The following DDR2 variants were observed in gnomAD, a reference collection of about 807,000 sequenced individuals.
DDR2 encodes the protein discoidin domain receptor tyrosine kinase 2.
DDR2 carries 27 observed loss-of-function variants against 94.9 expected under a neutral mutation model. The ratio of observed to expected loss-of-function variants is 0.28; its 90% confidence interval spans 0.21 to 0.39. The LOEUF is 0.39. Ranked by LOEUF, DDR2 falls within the 10% of genes least tolerant of loss-of-function variation. The probability of loss-of-function intolerance (pLI) is 1.00; values close to 1 mark genes in which losing one functional copy is unlikely to be tolerated. For synonymous variants in DDR2, 382 were observed against 377.2 expected (o/e 1.01, Z -0.15); for missense variants, 783 against 1,076.0 (o/e 0.73, Z 3.81).
rs2102189769 is a variant in DDR2, at chr1:162,773,526, G to C, written c.1786G>C (p.Asp596His). 6.2e-7 allele frequency: 1 copy of C among 1,614,122 alleles called. No individual in the cohort carries two copies. Among genetic ancestry groups the C allele is most frequent in the South Asian group, 1.1e-5 (1 of 91,074 alleles). Reference protein sequence around the residue: ...EKFKDKDFALDVSANQPVLVA... With the variant: ...EKFKDKDFALHVSANQPVLVA... The stretch of plus-strand genomic sequence containing the variant: ...ATTCAAAGACAAAGATTTTGCCCTA[G>C]ATGTCAGTGCCAACCAGCCTGTCCT... Residue 596 changes from aspartate to histidine, a missense_variant, in exon 14 of 18, where the codon GAT (aspartate) becomes CAT (histidine). By Grantham distance (81) the Asp-to-His change is moderately conservative (BLOSUM62 -1). Around this residue, in one of 2 missense-constraint regions of DDR2, gnomAD observed 264 missense variants for 428.2 expected, o/e 0.62. Transcript: ENST00000367921.
intron 9 of DDR2, among the ~76,000 whole-genome samples, chr1:162,764,424 G>A (rs960346070): frequency 1.0e-4 from 14 of 140,018 alleles, no homozygotes; most frequent in Middle Eastern, 4.4e-3. Context: ...AATGTCCAAA[G>A]CAATATGAAC....
intron 2 of DDR2, among the ~76,000 whole-genome samples, chr1:162,668,181 C>T (rs745550802): frequency 6.6e-6 from 1 of 152,118 alleles, no homozygotes; most frequent in East Asian, 1.9e-4. Flanking sequence ...CAAATGACAG[C>T]CTGTGGGCCA....
chr1:162,726,067 C>T (rs964957578), intron 3 of DDR2, among the ~76,000 whole-genome samples: 1 of 152,136 alleles, frequency 6.6e-6, no homozygotes, highest in African/African-American at 2.4e-5. Flanking sequence ...CTGCAGTCTT[C>T]TCACCTATCA....
At chr1:162,657,841 A>T (rs1361586632) in intron 2 of DDR2, among the ~76,000 whole-genome samples, 2 of 127,226 alleles carry the variant, frequency 1.6e-5, no homozygotes, top group South Asian at 2.5e-4. Context: ...TCCCCTCCCC[A>T]CTCCCCAGTC....
In DDR2 at chr1:162,775,803, G is replaced by A. The variant is rs769532262; in HGVS notation, c.2008G>A (p.Glu670Lys). 12 of 1,613,894 alleles carry A rather than the reference G, an allele frequency of 7.4e-6. No homozygotes were observed. Among genetic ancestry groups the A allele is most frequent in the African/African-American group, 6.7e-5 (5 of 74,956 alleles). The stretch of plus-strand genomic sequence containing the variant: ...TCTCAATCAGTTTCTTTCCCGCCAC[G>A]AGCCCCCTAATTCTTCCTCCAGCGA... The part of the protein sequence containing the change: ...GDLNQFLSRH[E>K]PPNSSSSDVR... Residue 670 changes from glutamate to lysine, a missense_variant, in exon 15 of 18, where the codon GAG becomes AAG. By Grantham distance (56) the Glu-to-Lys change is moderately conservative. Coordinates refer to ENST00000367921, the MANE Select transcript of DDR2 (RefSeq NM_006182.4).
intron 5 of DDR2, 101 bp from the exon 6 acceptor site, chr1:162,755,055 C>T: frequency 1.3e-6 from 2 of 1,549,246 alleles, no homozygotes; most frequent in Non-Finnish European, 1.8e-6. Flanking sequence ...CATTCTGCTC[C>T]TCGAATTAAG....
In DDR2 at chr1:162,759,814, C is replaced by G. The variant is rs1212527083; in HGVS notation, c.690C>G (p.Gly230=). The G allele has an allele frequency of 3.7e-6, 6 of 1,613,982 alleles. No individual in the cohort carries two copies. Among genetic ancestry groups the G allele is most frequent in the Non-Finnish European group, 5.1e-6 (6 of 1,180,022 alleles). ...TGAGCAGCATGACAGAAGGGCTAGG[C>G]CAATTGACCGATGGTGTGTCTGGCC... The part of the protein sequence containing the change: ...AVGYSMTEGL[G]QLTDGVSGLD... Residue 230 remains glycine (G), a synonymous_variant, in exon 8 of 18, where the codon GGC becomes GGG. Coordinates refer to ENST00000367921, the MANE Select transcript of DDR2 (RefSeq NM_006182.4).
Position 162,754,693 on chromosome 1 carries a change from G to T in DDR2, c.255G>T (p.Glu85Asp), listed in dbSNP as rs1183289819. 3 of 1,614,018 alleles carry T rather than the reference G, an allele frequency of 1.9e-6. No homozygotes were observed. In the African/African-American group the frequency reaches 4.0e-5, roughly 22 times the overall value. Residue 85 changes from glutamate to aspartate, a missense_variant, in exon 5 of 18, where the codon GAG (glutamate) becomes GAT (aspartate). By Grantham distance (45) the Glu-to-Asp change is conservative. Coordinates refer to ENST00000367921, the MANE Select transcript of DDR2 (RefSeq NM_006182.4). ...EIPVEPDDLK[E>D]FLQIDLHTLH... is the part of the protein sequence containing the mutation. ...CAGTGGAACCTGATGACCTGAAGGA[G>T]TTTCTGCAGATTGACTTGCACACCC...
intron 2 of DDR2, among the ~76,000 whole-genome samples, chr1:162,671,277 T>C (rs1658827288): frequency 2.0e-5 from 3 of 152,168 alleles, no homozygotes. Flanking sequence ...GTCCTCTACT[T>C]ACTCCTTCGT....
chr1:162,655,020 T>G (rs1349510495), intron 1 of DDR2, among the ~76,000 whole-genome samples, 191 bp from the exon 2 acceptor site: 1 of 152,204 alleles, frequency 6.6e-6, no homozygotes, highest in Non-Finnish European at 1.5e-5. Context: ...TTTTAATTTC[T>G]TAACTGGGCA....
At chr1:162,696,169 G>T (rs776665720) in intron 2 of DDR2, among the ~76,000 whole-genome samples, 1 of 149,714 alleles carries the variant, frequency 6.7e-6, no homozygotes, top group Non-Finnish European at 1.5e-5. Flanking sequence ...ACCGACAGAA[G>T]ACATGGAAAT....
At position 162,782,753 on chromosome 1, in the gene DDR2, A is replaced by T. The variant is rs1270250652; in HGVS notation, c.*2507A>T. 1 of 152,028 alleles carries T rather than the reference A, an allele frequency of 6.6e-6. No individual in the cohort carries two copies. The highest frequency in any genetic ancestry group is 2.4e-5 in the African/African-American group (1 of 41,396). 9.4% of individuals were successfully genotyped at this position (152,028 alleles called of 1,614,324 possible). A position where few individuals can be genotyped will look rare whatever the true frequency, so the allele number is the denominator to read the frequency against. The stretch of plus-strand genomic sequence containing the variant: ...TTCTATGATTCCATATTTTTTTTAA[A>T]AAAAATCATATTTAAAATGAACTTA... On this transcript the variant is annotated 3_prime_UTR_variant, in exon 18 of 18. Transcript: ENST00000367921.
chr1:162,781,669 A>C lies in DDR2; in HGVS notation c.*1423A>C, dbSNP rs147405620. On this transcript the variant is annotated 3_prime_UTR_variant, in exon 18 of 18. Coordinates refer to ENST00000367921, the MANE Select transcript of DDR2 (RefSeq NM_006182.4). Reference sequence around the variant, plus strand: ...CTCTGAGATGGCGTGACCAGCAGAAAAGAAAGCTCAGGGCTGTGGCTTCAG... The same window carrying C: ...CTCTGAGATGGCGTGACCAGCAGAACAGAAAGCTCAGGGCTGTGGCTTCAG... 1.3e-5 allele frequency: 2 copies of C among 152,296 alleles called. No homozygotes were observed. The highest frequency in any genetic ancestry group is 4.1e-4 in the South Asian group (2 of 4,828). 9.4% of individuals were successfully genotyped at this position (152,296 alleles called of 1,614,324 possible).
chr1:162,753,950 C>T (rs890254310), intron 4 of DDR2, among the ~76,000 whole-genome samples: 3 of 152,084 alleles, frequency 2.0e-5, no homozygotes, highest in Non-Finnish European at 2.9e-5. Flanking sequence ...TGGAAGGGAG[C>T]AACAAATGAA....
At chr1:162,732,361 A>G (rs181461374) in intron 3 of DDR2, among the ~76,000 whole-genome samples, 1 of 152,292 alleles carries the variant, frequency 6.6e-6, no homozygotes, top group Admixed American at 6.5e-5. Context: ...GGCCTCAGTG[A>G]CAGTTTCTTT....
chr1:162,775,540 G>A (rs1647486838), intron 14 of DDR2, 112 bp from the exon 15 acceptor site: 2 of 1,194,400 alleles, frequency 1.7e-6, no homozygotes, highest in African/African-American at 1.5e-5. Context: ...GTTATCCAAA[G>A]GGAAACAAGA....
rs115738599 is a variant in DDR2, at chr1:162,745,110, C to T, written c.83-7985C>T. Among the ~76,000 whole-genome samples the T allele has an allele frequency of 9.0e-3, 1,367 of 152,324 alleles. 15 individuals carry two copies. The highest frequency in any genetic ancestry group is 0.044 in the Middle Eastern group (13 of 294). On this transcript the variant is annotated intron_variant, in intron 3 of 17. Coordinates refer to ENST00000367921, the MANE Select transcript of DDR2 (RefSeq NM_006182.4). ...TGATTAGTGATGTTGAACACCTTTT[C>T]GTGTAACTTGGCCATTTGTATGTCT...
At chr1:162,708,269 C>T (rs776337276) in intron 2 of DDR2, among the ~76,000 whole-genome samples, 1 of 152,174 alleles carries the variant, frequency 6.6e-6, no homozygotes, top group Non-Finnish European at 1.5e-5. Context: ...GGTCTATTGG[C>T]ATCACACATG....
At chr1:162,647,810 A>G (rs777650771) in intron 1 of DDR2, among the ~76,000 whole-genome samples, 3 of 152,192 alleles carry the variant, frequency 2.0e-5, no homozygotes, top group Non-Finnish European at 4.4e-5. Flanking sequence ...TTTCATCACC[A>G]TCTTGGTTTT....
Sources: allele counts gnomAD v4.1 joint callset (sites outside exome capture counted in the v4.1 genomes callset), GRCh38; gene constraint gnomAD v4.1.1; regional missense constraint gnomAD v4.1.1; transcripts MANE v1.5; gene names NCBI Gene and HGNC (gene_info 2026-07-23, HGNC 2026-07-21).